The following COX7A2L variants were observed in gnomAD, a reference collection of about 807,000 sequenced individuals.
The protein encoded by COX7A2L is cytochrome c oxidase subunit 7A2 like.
In COX7A2L, 18 loss-of-function variants were observed where a neutral mutation model predicts 14.2. That is an observed-to-expected ratio of 1.27 (90% CI 0.88 to 1.88). The LOEUF (loss-of-function observed/expected upper bound fraction) is 1.88, where lower values mean the gene tolerates loss of function less well. Ranked by LOEUF, COX7A2L falls within the 40% of genes most tolerant of loss-of-function variation. COX7A2L has a pLI of 0.00. For synonymous variants in COX7A2L, 65 were observed against 57.4 expected, an observed-to-expected ratio of 1.13 and a Z score of -0.60; for missense variants, 179 against 138.8, an observed-to-expected ratio of 1.29 and a Z score of -1.46.
At chr2:42,344,613 G>A (rs1436439314), downstream of COX7A2L, among the ~76,000 whole-genome samples, 2 of 152,212 alleles carry the variant, frequency 1.3e-5, no homozygotes, top group Non-Finnish European at 2.9e-5. Flanking sequence ...AGCAGTTTGG[G>A]AGGCTGAGGT....
At chr2:42,343,330 G>A (rs184496123) in intron 2 of COX7A2L, among the ~76,000 whole-genome samples, 32 of 152,342 alleles carry the variant, frequency 2.1e-4, no homozygotes, top group Admixed American at 2.1e-3. Flanking sequence ...CTAAGAGGTG[G>A]AGAGACACCC....
upstream of COX7A2L, among the ~76,000 whole-genome samples, chr2:42,364,180 G>A (rs1671112959): frequency 6.6e-6 from 1 of 150,428 alleles, no homozygotes; most frequent in African/African-American, 2.5e-5. Context: ...GAACCCGGGA[G>A]GCGGAGCTTG....
intron 1 of COX7A2L, chr2:42,359,897 TTTTTG>T (rs1572800666): frequency 6.6e-6 from 1 of 151,276 alleles, no homozygotes; most frequent in Non-Finnish European, 1.5e-5. Context: ...GAATCATCTG[TTTTTG>T]TTTTTAGAGA....
downstream of COX7A2L, among the ~76,000 whole-genome samples, chr2:42,344,865 G>C (rs1160060620): frequency 9.2e-5 from 14 of 151,372 alleles, no homozygotes; most frequent in Admixed American, 9.2e-4. Context: ...AAAAAAAAAG[G>C]CATCGCAATT....
Position 42,351,135 on chromosome 2 carries a change from A to G in COX7A2L, c.*84T>C. 1.1e-6 allele frequency: 1 copy of G among 915,688 alleles called. No homozygotes were observed. The highest frequency in any genetic ancestry group is 1.8e-5 in the African/African-American group (1 of 57,038). 56.7% of individuals were successfully genotyped at this position (915,688 alleles called of 1,614,324 possible). A position where few individuals can be genotyped will look rare whatever the true frequency, so the allele number is the denominator to read the frequency against. On this transcript the variant is annotated 3_prime_UTR_variant, in exon 3 of 3. Coordinates refer to ENST00000234301, the MANE Select transcript of COX7A2L (RefSeq NM_004718.4). ...TGCAAAAATGTTAAGCCATCCAAGTAAAAAAAAAAATTTTAATTTAACAAT... is the reference window on the plus strand; with the variant it reads ...TGCAAAAATGTTAAGCCATCCAAGTGAAAAAAAAAATTTTAATTTAACAAT...
At chr2:42,351,583 A>C (rs1670646720) in intron 2 of COX7A2L, among the ~76,000 whole-genome samples, 2 of 152,240 alleles carry the variant, frequency 1.3e-5, no homozygotes, top group Non-Finnish European at 2.9e-5. Context: ...CATGCATGCA[A>C]AAGATTCCAA....
downstream of COX7A2L, among the ~76,000 whole-genome samples, chr2:42,346,464 C>A (rs975784001): frequency 1.3e-5 from 2 of 152,108 alleles, no homozygotes; most frequent in Non-Finnish European, 2.9e-5. Flanking sequence ...GCCCAATAGA[C>A]CAATACATTT....
At chr2:42,364,814 T>C (rs1260989313), upstream of COX7A2L, among the ~76,000 whole-genome samples, 3 of 152,202 alleles carry the variant, frequency 2.0e-5, no homozygotes, top group Non-Finnish European at 2.9e-5. Flanking sequence ...GCAGCTGGGA[T>C]TGCAGTTGCC....
chr2:42,363,157 A>G (rs948999668), upstream of COX7A2L, among the ~76,000 whole-genome samples: 2 of 152,148 alleles, frequency 1.3e-5, no homozygotes, highest in Admixed American at 6.5e-5. Context: ...GATTACAGGC[A>G]TGAGCCACCG....
At chr2:42,365,343 T>G (rs1344244117), upstream of COX7A2L, among the ~76,000 whole-genome samples, 1 of 151,990 alleles carries the variant, frequency 6.6e-6, no homozygotes, top group Non-Finnish European at 1.5e-5. Flanking sequence ...AAATACAAAG[T>G]CGGTTGGGCA....
Position 42,350,458 on chromosome 2 carries a change from T to C in COX7A2L, c.*761A>G, listed in dbSNP as rs951427006. The C allele has an allele frequency of 1.3e-5, 2 of 152,228 alleles. No individual in the cohort carries two copies. Among genetic ancestry groups the C allele is most frequent in the Admixed American group, 6.5e-5 (1 of 15,282 alleles). 9.4% of individuals were successfully genotyped at this position (152,228 alleles called of 1,614,324 possible). Reference sequence around the variant, plus strand: ...CAGGTTTAAGATGCTGCTGGTGTTCTGAAATTACTCTGAAAGGTCATTCAA... The same window carrying C: ...CAGGTTTAAGATGCTGCTGGTGTTCCGAAATTACTCTGAAAGGTCATTCAA... On this transcript the variant is annotated 3_prime_UTR_variant, in exon 3 of 3. Coordinates refer to ENST00000234301, the MANE Select transcript of COX7A2L (RefSeq NM_004718.4).
chr2:42,358,771 T>C (rs1670913000), intron 1 of COX7A2L, among the ~76,000 whole-genome samples: 1 of 152,172 alleles, frequency 6.6e-6, no homozygotes, highest in South Asian at 2.1e-4. Context: ...AATATGCCAG[T>C]TTTTAGTCGA....
chr2:42,346,358 C>T (rs1485743416), downstream of COX7A2L, among the ~76,000 whole-genome samples: 1 of 152,154 alleles, frequency 6.6e-6, no homozygotes, highest in African/African-American at 2.4e-5. Flanking sequence ...TGAAAAATCT[C>T]CCTTTGTGTA....
At chr2:42,363,533 T>C (rs980771203), upstream of COX7A2L, among the ~76,000 whole-genome samples, 6 of 152,198 alleles carry the variant, frequency 3.9e-5, no homozygotes, top group African/African-American at 7.2e-5. Flanking sequence ...CTGCAAGACA[T>C]AAATTAAGAA....
At chr2:42,362,045 T>C (rs1671069264), upstream of COX7A2L, among the ~76,000 whole-genome samples, 1 of 152,212 alleles carries the variant, frequency 6.6e-6, no homozygotes, top group Admixed American at 6.5e-5. Context: ...CTGGTTTTTA[T>C]TCTCACCTGA....
At chr2:42,366,383 C>G (rs1040716492) in intron 1 of COX7A2L, among the ~76,000 whole-genome samples, 75 of 152,324 alleles carry the variant, frequency 4.9e-4, no homozygotes, top group Non-Finnish European at 1.3e-4. Context: ...AAGATCGTGC[C>G]ATTGCACTGC....
chr2:42,338,372 T>C lies in COX7A2L; in HGVS notation c.193-4503A>G, dbSNP rs1227794512. Among the ~76,000 whole-genome samples the C allele has an allele frequency of 1.3e-5, 2 of 152,106 alleles. No individual in the cohort carries two copies. The highest frequency in any genetic ancestry group is 2.1e-4 in the South Asian group (1 of 4,830). Reference sequence around the variant, plus strand: ...ATCAAATGGAAAGGAAGAGCAGAATTTCACTCTCTAGCAGAGCCCTCCCAA... The same window carrying C: ...ATCAAATGGAAAGGAAGAGCAGAATCTCACTCTCTAGCAGAGCCCTCCCAA... On this transcript the variant is annotated intron_variant, in intron 2 of 2. Coordinates refer to the COX7A2L transcript ENST00000468711. The surrounding 1 kb of genome is among the most constrained non-coding windows in gnomAD (Gnocchi z 4.4).
At chr2:42,341,602 G>C (rs887797037) in intron 2 of COX7A2L, among the ~76,000 whole-genome samples, 2 of 152,252 alleles carry the variant, frequency 1.3e-5, no homozygotes, top group South Asian at 4.1e-4. Flanking sequence ...AGTGATGGGT[G>C]GGGGGACACA....
intron 2 of COX7A2L, among the ~76,000 whole-genome samples, chr2:42,351,983 A>T (rs946766837): frequency 1.3e-5 from 2 of 152,126 alleles, no homozygotes; most frequent in Non-Finnish European, 2.9e-5. Flanking sequence ...GCTCTGTCTT[A>T]AAAAAGATAA....
Sources: allele counts gnomAD v4.1 joint callset (sites outside exome capture counted in the v4.1 genomes callset), GRCh38; gene constraint gnomAD v4.1.1; non-coding constraint Gnocchi (gnomAD v3.1); transcripts MANE v1.5; gene names NCBI Gene and HGNC (gene_info 2026-07-23, HGNC 2026-07-21).